Variants in SLC1A1 observed in about 807,000 individuals in gnomAD.
SLC1A1 encodes the protein solute carrier family 1 member 1.
Under a neutral mutation model 53.3 loss-of-function variants are expected in SLC1A1, and 43 were observed. The ratio of observed to expected loss-of-function variants is 0.81; its 90% CI spans 0.63 to 1.04. SLC1A1 has a LOEUF of 1.04. Ranked by LOEUF, SLC1A1 falls within the 50% of genes least tolerant of loss-of-function variation. The pLI, the probability that SLC1A1 is intolerant of heterozygous loss-of-function variation, is 0.00. For synonymous variants in SLC1A1, 307 were observed against 243.2 expected, an observed-to-expected ratio of 1.26 and a Z score of -2.44; for missense variants, 748 against 664.9, an observed-to-expected ratio of 1.12 and a Z score of -1.37.
intron 1 of SLC1A1, among the ~76,000 whole-genome samples, chr9:4,531,806 C>G (rs868380344): frequency 1.3e-5 from 2 of 152,184 alleles, no homozygotes; most frequent in African/African-American, 4.8e-5. Flanking sequence ...AGGCACCCCC[C>G]AGTAGGGGCA....
intron 1 of SLC1A1, among the ~76,000 whole-genome samples, chr9:4,503,752 A>G (rs561315541): frequency 1.5e-4 from 23 of 152,032 alleles, no homozygotes; most frequent in South Asian, 1.2e-3. Context: ...CAAGAATGCA[A>G]TACTACACAG....
At chr9:4,554,552 A>T (rs1259309546) in intron 2 of SLC1A1, among the ~76,000 whole-genome samples, 1 of 152,182 alleles carries the variant, frequency 6.6e-6, no homozygotes, top group African/African-American at 2.4e-5. Context: ...AGTGAGGAAG[A>T]GCACTCCAGG....
intron 1 of SLC1A1, among the ~76,000 whole-genome samples, chr9:4,497,670 A>G (rs1187032241): frequency 6.6e-6 from 1 of 152,234 alleles, no homozygotes; most frequent in East Asian, 1.9e-4. Flanking sequence ...TGATGAATCT[A>G]TATAAATATC....
At chr9:4,519,974 T>C (rs1384273204) in intron 1 of SLC1A1, among the ~76,000 whole-genome samples, 2 of 152,234 alleles carry the variant, frequency 1.3e-5, no homozygotes, top group Non-Finnish European at 2.9e-5. Flanking sequence ...ATAGGGATTT[T>C]CAGATCACAC....
chr9:4,534,737 T>A (rs1052702717), intron 1 of SLC1A1, among the ~76,000 whole-genome samples: 11 of 151,996 alleles, frequency 7.2e-5, no homozygotes, highest in Non-Finnish European at 1.5e-4. Flanking sequence ...TACCAAAGCC[T>A]GGCAGAGACA....
At chr9:4,548,964 G>C (rs978834813) in intron 2 of SLC1A1, among the ~76,000 whole-genome samples, 1 of 152,158 alleles carries the variant, frequency 6.6e-6, no homozygotes, top group African/African-American at 2.4e-5. Context: ...CCGTATTTAT[G>C]TCAAAGCACC....
At chr9:4,561,660 T>G in intron 3 of SLC1A1, 119 bp downstream of exon 3, 13 of 757,786 alleles carry the variant, frequency 1.7e-5, no homozygotes, top group Non-Finnish European at 2.9e-5. Flanking sequence ...GGGAGGCTGA[T>G]GTGGGCAGAT....
At position 4,525,967 on chromosome 9, in the gene SLC1A1, C is replaced by T. The variant is rs535468873; in HGVS notation, c.92-18600C>T. 4.8e-4 allele frequency among the ~76,000 whole-genome samples: 73 copies of T among 152,004 alleles called. 1 individual carries two copies. In the South Asian group the frequency reaches 0.015, roughly 31 times the overall value. On this transcript the variant is annotated intron_variant, in intron 1 of 11. Transcript: ENST00000262352. ...TACCATATAATAATTCACAGGACAT[C>T]AACACAGAATTTAGAAGGAAATGTC...
At chr9:4,502,703 TA>T (rs1474983037) in intron 1 of SLC1A1, among the ~76,000 whole-genome samples, 2 of 151,698 alleles carry the variant, frequency 1.3e-5, no homozygotes, top group Non-Finnish European at 2.9e-5. Context: ...TACTAATTAT[TA>T]ATCATTAAGC....
chr9:4,530,122 G>C (rs1049962097), intron 1 of SLC1A1, among the ~76,000 whole-genome samples: 2 of 151,974 alleles, frequency 1.3e-5, no homozygotes, highest in African/African-American at 4.8e-5. Flanking sequence ...TTTTTATTTG[G>C]GTTGATAGGA....
chr9:4,509,773 G>C (rs1011315000), intron 1 of SLC1A1, among the ~76,000 whole-genome samples: 8 of 152,144 alleles, frequency 5.3e-5, no homozygotes, highest in Non-Finnish European at 7.4e-5. Flanking sequence ...CATGCTGAAA[G>C]GTTTTCTCGG....
In SLC1A1 at chr9:4,576,068, C is replaced by T. The variant is rs773830128; in HGVS notation, c.943C>T (p.Arg315Ter). The T allele has an allele frequency of 7.4e-6, 12 of 1,613,552 alleles. No individual in the cohort carries two copies. The highest frequency in any genetic ancestry group is 4.5e-5 in the East Asian group (2 of 44,896). Residue 315 changes from arginine to a stop codon, truncating the protein, a stop_gained, in exon 9 of 12, where the codon CGA (arginine) becomes TGA (stop). Coordinates refer to ENST00000262352, the MANE Select transcript of SLC1A1 (RefSeq NM_004170.6). LOFTEE classifies it high-confidence loss of function. ...YFIVVRKNPFRFAMGMAQALL... is the reference protein window; with the variant it reads ...YFIVVRKNPF The stretch of plus-strand genomic sequence containing the variant: ...CATAGTCGTACGAAAGAACCCTTTC[C>T]GATTTGCCATGGGAATGGCCCAGGC...
At chr9:4,533,982 G>C (rs910200450) in intron 1 of SLC1A1, among the ~76,000 whole-genome samples, 4 of 152,172 alleles carry the variant, frequency 2.6e-5, no homozygotes, top group South Asian at 2.1e-4. Context: ...CGAAATGAAG[G>C]CAGAAATAAA....
chr9:4,580,651 G>GTGTGTGTGTGTGTGTGTGTGTGTA (rs370378540), intron 10 of SLC1A1, among the ~76,000 whole-genome samples: 9 of 118,842 alleles, frequency 7.6e-5, no homozygotes, highest in African/African-American at 1.7e-4. Flanking sequence ...GTGTGTGTGT[G>GTGTGTGTGTGTGTGTGTGTGTGTA]TATAAGGAAT....
intron 1 of SLC1A1, among the ~76,000 whole-genome samples, chr9:4,512,439 T>C (rs549618685): frequency 7.2e-5 from 11 of 152,170 alleles, no homozygotes; most frequent in African/African-American, 1.7e-4. Context: ...GCCCGGGAGA[T>C]TGAAGCTGCA....
intron 1 of SLC1A1, among the ~76,000 whole-genome samples, chr9:4,519,967 G>A (rs995536688): frequency 2.0e-5 from 3 of 152,134 alleles, no homozygotes; most frequent in African/African-American, 7.2e-5. Context: ...TTTATCTATA[G>A]GGATTTTCAG....
chr9:4,526,459 T>C (rs932743046), intron 1 of SLC1A1, among the ~76,000 whole-genome samples: 2 of 152,120 alleles, frequency 1.3e-5, no homozygotes, highest in Admixed American at 6.5e-5. Context: ...AGTAGATGTA[T>C]AAAGGCATGG....
intron 1 of SLC1A1, among the ~76,000 whole-genome samples, chr9:4,541,513 G>C (rs1186462831): frequency 6.6e-6 from 1 of 152,220 alleles, no homozygotes; most frequent in South Asian, 2.1e-4. Context: ...TTGTGTGAAA[G>C]AGGAAAGAGG....
rs555079921 is a variant in SLC1A1 at position 4,504,038 on chromosome 9, G to A, written c.91+13268G>A. 7.2e-5 allele frequency among the ~76,000 whole-genome samples: 11 copies of A among 152,288 alleles called. No homozygotes were observed. The South Asian group carries it at 2.1e-3, about 29-fold the overall frequency. On this transcript the variant is annotated intron_variant, in intron 1 of 11. Transcript: ENST00000262352. ...AAGTCTGGTTGCTAACAGTTTTGAAGCCATTTTATTGTGAGCACTGCATGA... is the reference window on the plus strand; with the variant it reads ...AAGTCTGGTTGCTAACAGTTTTGAAACCATTTTATTGTGAGCACTGCATGA...
Sources: allele counts gnomAD v4.1 joint callset (sites outside exome capture counted in the v4.1 genomes callset), GRCh38; gene constraint gnomAD v4.1.1; transcripts MANE v1.5; gene names NCBI Gene and HGNC (gene_info 2026-07-23, HGNC 2026-07-21).